MCC: variants seen among roughly 807,000 people sequenced by gnomAD.
The protein encoded by MCC is MCC regulator of Wnt signaling pathway, also known as colorectal mutant cancer protein.
A neutral mutation model predicts 116.2 loss-of-function variants in MCC; 90 were observed. That is an observed-to-expected ratio of 0.77 (90% CI 0.65 to 0.92). The LOEUF is 0.92. Ranked by LOEUF, MCC falls within the 40% of genes least tolerant of loss-of-function variation. MCC has a pLI of 0.00. For synonymous variants in MCC, 578 were observed against 510.5 expected (o/e 1.13, Z -1.78); for missense variants, 1,516 against 1,312.2 (o/e 1.16, Z -2.40).
intron 1 of MCC, among the ~76,000 whole-genome samples, chr5:113,402,210 C>G (rs1260716190): frequency 6.8e-6 from 1 of 147,864 alleles, no homozygotes; most frequent in Non-Finnish European, 1.5e-5. Flanking sequence ...AGGAGAATGG[C>G]GTGAACCCGG....
At chr5:113,122,561 T>C (rs1757796025) in intron 6 of MCC, 123 bp downstream of exon 6, 2 of 1,077,570 alleles carry the variant, frequency 1.9e-6, no homozygotes, top group African/African-American at 3.2e-5. Flanking sequence ...TACATGTGAC[T>C]TCATCCACTC....
At chr5:113,051,744 AAAC>A (rs1752503931) in intron 15 of MCC, among the ~76,000 whole-genome samples, 1 of 151,994 alleles carries the variant, frequency 6.6e-6, no homozygotes, top group South Asian at 2.1e-4. Context: ...ACAAACAAAC[AAAC>A]AACAACAAAA....
intron 1 of MCC, among the ~76,000 whole-genome samples, chr5:113,472,796 T>G (rs927452918): frequency 6.6e-5 from 10 of 152,256 alleles, no homozygotes; most frequent in African/African-American, 1.7e-4. Flanking sequence ...TCTGGAAGCA[T>G]GTAAGCATAT....
intron 3 of MCC, among the ~76,000 whole-genome samples, chr5:113,176,296 C>T (rs548792703): frequency 1.3e-5 from 2 of 152,316 alleles, no homozygotes; most frequent in Admixed American, 6.5e-5. Context: ...GTATTAACAG[C>T]CCAGCACTAG....
chr5:113,191,233 G>T (rs2150313847), intron 3 of MCC, among the ~76,000 whole-genome samples: 1 of 152,278 alleles, frequency 6.6e-6, no homozygotes, highest in Middle Eastern at 3.4e-3. Context: ...TCCCCCATCT[G>T]CCTCCGCACC....
chr5:113,073,062 A>G (rs1754149578), intron 11 of MCC, among the ~76,000 whole-genome samples: 1 of 149,480 alleles, frequency 6.7e-6, no homozygotes, highest in South Asian at 2.1e-4. Context: ...TTCTTGAAAC[A>G]TTACGAGATA....
intron 3 of MCC, among the ~76,000 whole-genome samples, chr5:113,317,770 G>C (rs1156609565): frequency 6.6e-6 from 1 of 152,190 alleles, no homozygotes; most frequent in Non-Finnish European, 1.5e-5. Flanking sequence ...ATGCCAGTGT[G>C]GATGGGCTAA....
At position 113,085,124 on chromosome 5, in the gene MCC, G is replaced by C. The variant is rs538166676; in HGVS notation, c.1545+40C>G. The C allele has an allele frequency of 2.1e-4, 344 of 1,613,292 alleles. 3 individuals are homozygous for C. The South Asian group carries it at 3.6e-3, about 17-fold the overall frequency. On this transcript the variant is annotated intron_variant, in intron 9 of 18. Coordinates refer to ENST00000408903, the MANE Select transcript of MCC (RefSeq NM_001085377.2). ...TGAGCCTGGTGCTTCCAGATAACAGGAGGTGTTCCCGCTCATCGGGTCCAT... is the reference window on the plus strand; with the variant it reads ...TGAGCCTGGTGCTTCCAGATAACAGCAGGTGTTCCCGCTCATCGGGTCCAT...
chr5:113,257,084 C>G (rs1765034834), intron 3 of MCC, among the ~76,000 whole-genome samples: 1 of 152,172 alleles, frequency 6.6e-6, no homozygotes, highest in Admixed American at 6.5e-5. Flanking sequence ...GTGTTTTCCC[C>G]TCTAACTTAT....
chr5:113,127,561 G>A (rs935178048), intron 5 of MCC, among the ~76,000 whole-genome samples: 33 of 152,136 alleles, frequency 2.2e-4, no homozygotes, highest in African/African-American at 5.8e-4. Context: ...GTGTGAGATG[G>A]TGTGTCACTG....
At chr5:113,300,096 C>A (rs750744959) in intron 3 of MCC, among the ~76,000 whole-genome samples, 1 of 152,142 alleles carries the variant, frequency 6.6e-6, no homozygotes, top group Non-Finnish European at 1.5e-5. Flanking sequence ...GTATGGCTGC[C>A]GACTTCAGTG....
At chr5:113,276,435 C>A (rs565889972) in intron 3 of MCC, among the ~76,000 whole-genome samples, 19 of 152,246 alleles carry the variant, frequency 1.2e-4, no homozygotes, top group African/African-American at 4.6e-4. Flanking sequence ...ATACACTGCT[C>A]AGTTTCTTCA....
chr5:113,049,404 C>A, intron 15 of MCC, 105 bp from the exon 16 acceptor site: 2 of 890,562 alleles, frequency 2.2e-6, no homozygotes, highest in Non-Finnish European at 3.4e-6. Context: ...GACCCACAGG[C>A]CCATGGTAGA....
intron 11 of MCC, among the ~76,000 whole-genome samples, chr5:113,075,308 C>T (rs774041107): frequency 3.9e-5 from 6 of 152,314 alleles, no homozygotes; most frequent in Non-Finnish European, 7.4e-5. Context: ...CTACCATGCC[C>T]GAGCCCCCCT....
At chr5:113,056,339 G>A (rs1381532734) in intron 14 of MCC, among the ~76,000 whole-genome samples, 1 of 152,152 alleles carries the variant, frequency 6.6e-6, no homozygotes, top group African/African-American at 2.4e-5. Context: ...CCCATCAGTG[G>A]TAGACTAGAT....
At chr5:113,471,000 G>A (rs1231628945) in intron 1 of MCC, among the ~76,000 whole-genome samples, 3 of 152,130 alleles carry the variant, frequency 2.0e-5, no homozygotes, top group Middle Eastern at 3.2e-3. Flanking sequence ...CCTTCGTCAC[G>A]TAGCTCTCGT....
intron 1 of MCC, among the ~76,000 whole-genome samples, chr5:113,404,013 C>T (rs750055389): frequency 3.3e-5 from 5 of 152,020 alleles, no homozygotes; most frequent in African/African-American, 7.3e-5. Flanking sequence ...ATTACAGGCA[C>T]GGGTCATCAT....
At position 113,322,750 on chromosome 5, in the gene MCC, T is replaced by C. The variant is rs1767454610; in HGVS notation, c.627+17769A>G. 2.6e-5 allele frequency among the ~76,000 whole-genome samples: 4 copies of C among 152,108 alleles called. No homozygotes were observed. In the South Asian group the frequency reaches 8.3e-4, roughly 32 times the overall value. ...TGGGCTGGGTACAGAGGATAGCGAG[T>C]TAATGAATGAGGGAAGCCAAACAAG... is the stretch of plus-strand genomic sequence containing the variant. On this transcript the variant is annotated intron_variant, in intron 3 of 18. Coordinates refer to ENST00000408903, the MANE Select transcript of MCC (RefSeq NM_001085377.2).
intron 8 of MCC, among the ~76,000 whole-genome samples, chr5:113,101,142 T>C (rs188969570): frequency 2.0e-5 from 3 of 152,286 alleles, no homozygotes; most frequent in Admixed American, 1.3e-4. Context: ...CTAGGGTGAA[T>C]AGCAGGAGTC....
Sources: gnomAD v4.1 joint callset for allele counts (sites outside exome capture counted in the v4.1 genomes callset) on GRCh38, gnomAD v4.1.1 for gene constraint, MANE v1.5 for transcripts, NCBI Gene and HGNC (gene_info 2026-07-23, HGNC 2026-07-21) for gene names.